The following PRKCE variants were observed in gnomAD, a reference collection of about 807,000 sequenced individuals.
PRKCE encodes protein kinase C epsilon.
PRKCE carries 16 observed loss-of-function variants against 85.4 expected under a neutral mutation model. The ratio of observed to expected loss-of-function variants is 0.19; its 90% CI spans 0.13 to 0.28. PRKCE has a LOEUF of 0.28. Among genes scored for constraint, PRKCE ranks in the 10% least tolerant of loss-of-function variants. PRKCE has a pLI of 1.00. For synonymous variants in PRKCE, 388 were observed against 371.5 expected (o/e 1.04, Z -0.51); for missense variants, 573 against 975.2 (o/e 0.59, Z 5.49).
intron 2 of PRKCE, among the ~76,000 whole-genome samples, chr2:45,943,909 G>A (rs1015570047): frequency 8.5e-5 from 13 of 152,184 alleles, no homozygotes; most frequent in African/African-American, 3.1e-4. Flanking sequence ...TGTTTAAGTT[G>A]TTCAAGCTAG....
chr2:45,880,635 A>T (rs925412245), intron 2 of PRKCE, among the ~76,000 whole-genome samples: 1 of 152,174 alleles, frequency 6.6e-6, no homozygotes, highest in African/African-American at 2.4e-5. Context: ...CAGGGAGTAT[A>T]TGTATACCAA....
At chr2:45,818,925 A>T (rs1225847314) in intron 1 of PRKCE, among the ~76,000 whole-genome samples, 1 of 152,160 alleles carries the variant, frequency 6.6e-6, no homozygotes, top group Non-Finnish European at 1.5e-5. Context: ...GCCCAGTATG[A>T]AGGCTTTGAA....
rs1677522265 is a variant in PRKCE, at chr2:46,159,297, T to C, written c.1921-309T>C. Among the ~76,000 whole-genome samples the C allele has an allele frequency of 6.6e-6, 1 of 152,186 alleles. No individual in the cohort carries two copies. Among genetic ancestry groups the C allele is most frequent in the African/African-American group, 2.4e-5 (1 of 41,440 alleles). On this transcript the variant is annotated intron_variant, in intron 13 of 14. Transcript: ENST00000306156. This position sits in a 1 kb window ranked among gnomAD's most constrained non-coding sequence, Gnocchi z 4.1. ...TTGGTCCCTTACTAGCTGGGTGACT[T>C]TGGCCAAATTAGCTGACCTCTGTGT... is the stretch of plus-strand genomic sequence containing the variant.
At chr2:46,091,827 G>A (rs986688345) in intron 11 of PRKCE, among the ~76,000 whole-genome samples, 3 of 152,086 alleles carry the variant, frequency 2.0e-5, no homozygotes, top group Non-Finnish European at 4.4e-5. Flanking sequence ...TATCCATCCC[G>A]GTCTCCAAAA....
At chr2:46,035,095 GTCTCCTTTGC>G (rs1184920807) in intron 10 of PRKCE, among the ~76,000 whole-genome samples, 1 of 152,202 alleles carries the variant, frequency 6.6e-6, no homozygotes, top group East Asian at 1.9e-4. Flanking sequence ...TTCAGACAGG[GTCTCCTTTGC>G]TCTGGCTCAG....
intron 2 of PRKCE, among the ~76,000 whole-genome samples, chr2:45,888,442 CAGA>C (rs1227311144): frequency 2.0e-5 from 3 of 148,636 alleles, no homozygotes; most frequent in African/African-American, 5.0e-5. Context: ...TTAAAAAATG[CAGA>C]AGTAGTATTT....
chr2:45,744,711 C>T (rs1444313323), intron 1 of PRKCE, among the ~76,000 whole-genome samples: 3 of 151,786 alleles, frequency 2.0e-5, no homozygotes, highest in South Asian at 2.1e-4. Flanking sequence ...AGAGCTCAAG[C>T]GATTCTCCTT....
chr2:45,726,937 C>G (rs1458501724), intron 1 of PRKCE, among the ~76,000 whole-genome samples: 1 of 152,182 alleles, frequency 6.6e-6, no homozygotes, highest in Non-Finnish European at 1.5e-5. Flanking sequence ...CTTTCTGGCC[C>G]TTACTTTCCT....
chr2:45,699,343 T>C (rs906740469), intron 1 of PRKCE, among the ~76,000 whole-genome samples: 1 of 152,222 alleles, frequency 6.6e-6, no homozygotes, highest in Non-Finnish European at 1.5e-5. Context: ...GATGCTGAAA[T>C]ATTGCAGTGA....
At position 46,071,527 on chromosome 2, in the gene PRKCE, A is replaced by G. The variant is rs540029601; in HGVS notation, c.1438-14681A>G. On this transcript the variant is annotated intron_variant, in intron 10 of 14. Transcript: ENST00000306156. ...TTCACGCAGCTGAGCTAGGATTTTA[A>G]CCCAGGCAGTCAGGATTCCAAGGCC... Among the ~76,000 whole-genome samples the G allele has an allele frequency of 4.6e-5, 7 of 152,312 alleles. No individual in the cohort carries two copies. In the South Asian group the frequency reaches 1.2e-3, roughly 27 times the overall value.
chr2:46,187,482 T>G lies in PRKCE; in HGVS notation c.*2601T>G, dbSNP rs888081842. 2.0e-5 allele frequency: 3 copies of G among 152,562 alleles called. No individual in the cohort carries two copies. Among genetic ancestry groups the G allele is most frequent in the African/African-American group, 7.2e-5 (3 of 41,440 alleles). The allele number at this position is 152,562 out of a possible 1,614,324, so 9.5% of individuals were successfully genotyped here. ...TTTCATTTTCATTTTTACGAGAGTT[T>G]GAAAATAGACACACTGTTAACACTT... On this transcript the variant is annotated 3_prime_UTR_variant, in exon 15 of 15. Coordinates refer to ENST00000306156, the MANE Select transcript of PRKCE (RefSeq NM_005400.3).
At chr2:45,971,590 T>G (rs896705666) in intron 2 of PRKCE, among the ~76,000 whole-genome samples, 4 of 152,190 alleles carry the variant, frequency 2.6e-5, no homozygotes. Context: ...TGAGTCTTAG[T>G]GTAAGTGTAA....
chr2:45,827,799 A>C (rs1366877250), intron 1 of PRKCE, among the ~76,000 whole-genome samples: 1 of 152,234 alleles, frequency 6.6e-6, no homozygotes, highest in Non-Finnish European at 1.5e-5. Flanking sequence ...TACCTTCAAA[A>C]TTCAACACAG....
chr2:45,925,239 A>G (rs900723864), intron 2 of PRKCE, among the ~76,000 whole-genome samples: 4 of 152,072 alleles, frequency 2.6e-5, no homozygotes, highest in African/African-American at 7.2e-5. Context: ...GGCCCTGTGG[A>G]CAAGCATATT....
chr2:45,875,245 T>C (rs886814449), intron 2 of PRKCE, among the ~76,000 whole-genome samples: 2 of 152,206 alleles, frequency 1.3e-5, no homozygotes, highest in Admixed American at 1.3e-4. Flanking sequence ...TAGAGACCAT[T>C]ATACACTTGA....
chr2:45,834,098 A>G (rs1294043968), intron 1 of PRKCE, among the ~76,000 whole-genome samples: 1 of 152,232 alleles, frequency 6.6e-6, no homozygotes, highest in Non-Finnish European at 1.5e-5. Context: ...AGCCTGCTAA[A>G]AAAGAGGAAG....
chr2:45,897,379 TG>T (rs1696229970), intron 2 of PRKCE, among the ~76,000 whole-genome samples: 1 of 152,194 alleles, frequency 6.6e-6, no homozygotes, highest in South Asian at 2.1e-4. Flanking sequence ...ACGGCATCAT[TG>T]CGAACTTGGA....
intron 11 of PRKCE, among the ~76,000 whole-genome samples, chr2:46,144,004 C>T (rs2104480580): frequency 6.6e-6 from 1 of 152,306 alleles, no homozygotes; most frequent in Admixed American, 6.5e-5. Context: ...GACCCTTCAC[C>T]CTGCATCCCA....
At chr2:45,829,856 G>A (rs981401672) in intron 1 of PRKCE, among the ~76,000 whole-genome samples, 4 of 151,804 alleles carry the variant, frequency 2.6e-5, no homozygotes, top group Non-Finnish European at 5.9e-5. Flanking sequence ...GGCGGATCAC[G>A]AGGTCAGGAG....
Sources: gnomAD v4.1 joint callset for allele counts (sites outside exome capture counted in the v4.1 genomes callset) on GRCh38, gnomAD v4.1.1 for gene constraint, Gnocchi (gnomAD v3.1) non-coding constraint, MANE v1.5 for transcripts, NCBI Gene and HGNC (gene_info 2026-07-23, HGNC 2026-07-21) for gene names.